The following SORCS3 variants were observed in gnomAD, a reference collection of about 807,000 sequenced individuals.
The protein encoded by SORCS3 is VPS10 domain-containing receptor SorCS3.
Under a neutral mutation model 146.3 loss-of-function variants are expected in SORCS3, and 57 were observed. The ratio of observed to expected loss-of-function variants is 0.39; its 90% CI spans 0.31 to 0.49. The LOEUF (loss-of-function observed/expected upper bound fraction) is 0.49, where lower values mean the gene tolerates loss of function less well. Among genes scored for constraint, SORCS3 ranks in the 20% least tolerant of loss-of-function variants. SORCS3 has a pLI of 0.92. For synonymous variants in SORCS3, 653 were observed against 618.5 expected (o/e 1.06, Z -0.83); for missense variants, 1,341 against 1,575.5 (o/e 0.85, Z 2.52).
chr10:104,816,490 C>T (rs2017799250), intron 1 of SORCS3, among the ~76,000 whole-genome samples: 1 of 152,142 alleles, frequency 6.6e-6, no homozygotes, highest in South Asian at 2.1e-4. Context: ...TAGAATGTGC[C>T]TTATCACTTT....
At chr10:105,119,221 T>C (rs1020128015) in intron 7 of SORCS3, among the ~76,000 whole-genome samples, 18 of 152,186 alleles carry the variant, frequency 1.2e-4, no homozygotes, top group Non-Finnish European at 5.9e-5. Flanking sequence ...CAAGCCTTGG[T>C]GGCTAACGTG....
At chr10:104,817,201 C>G (rs1281104505) in intron 1 of SORCS3, among the ~76,000 whole-genome samples, 1 of 152,196 alleles carries the variant, frequency 6.6e-6, no homozygotes, top group Non-Finnish European at 1.5e-5. Context: ...GAAGATAGGG[C>G]CCATGGATTT....
chr10:105,263,439 T>A lies in SORCS3; in HGVS notation c.*65T>A. 6.8e-7 allele frequency: 1 copy of A among 1,466,150 alleles called. No homozygotes were observed. The allele number at this position is 1,466,150 out of a possible 1,614,324, so 90.8% of individuals were successfully genotyped here. ...TATTTTTGATGATTACTATTACTAT[T>A]ATTATGGAAAAATTAAAATGTCTTT... On this transcript the variant is annotated 3_prime_UTR_variant, in exon 27 of 27. Transcript: ENST00000369701.
intron 7 of SORCS3, among the ~76,000 whole-genome samples, chr10:105,111,297 C>T (rs570120296): frequency 3.3e-5 from 5 of 152,156 alleles, no homozygotes; most frequent in African/African-American, 4.8e-5. Context: ...AGCTCCAATG[C>T]AGTTCTTACC....
At chr10:104,985,763 G>C (rs527842995) in intron 4 of SORCS3, among the ~76,000 whole-genome samples, 1 of 152,332 alleles carries the variant, frequency 6.6e-6, no homozygotes, top group East Asian at 1.9e-4. Context: ...CAGAGCTCTT[G>C]AGTGACCAGG....
At chr10:104,846,586 G>A (rs1469216972) in intron 2 of SORCS3, among the ~76,000 whole-genome samples, 4 of 152,162 alleles carry the variant, frequency 2.6e-5, no homozygotes, top group Non-Finnish European at 4.4e-5. Flanking sequence ...TAATTCAGAG[G>A]CCATCTACTT....
At chr10:104,890,150 A>G (rs1199338903) in intron 2 of SORCS3, among the ~76,000 whole-genome samples, 1 of 151,848 alleles carries the variant, frequency 6.6e-6, no homozygotes, top group Non-Finnish European at 1.5e-5. Context: ...TGTTTTATTC[A>G]TGATTCTTGT....
chr10:104,762,211 A>G lies in SORCS3; in HGVS notation c.628-80581A>G, dbSNP rs1405395917. On this transcript the variant is annotated intron_variant, in intron 1 of 26. Transcript: ENST00000369701. The stretch of plus-strand genomic sequence containing the variant: ...GTTCACCCCAGTTTAGTGGGATTTC[A>G]TCTCCTCATCTTTTGTGGCACATGT... Among the ~76,000 whole-genome samples the G allele has an allele frequency of 5.3e-5, 8 of 151,958 alleles. No individual in the cohort carries two copies. The South Asian group carries it at 1.0e-3, about 20-fold the overall frequency.
chr10:104,925,300 G>A (rs1191850160), intron 3 of SORCS3, among the ~76,000 whole-genome samples: 1 of 152,158 alleles, frequency 6.6e-6, no homozygotes, highest in Non-Finnish European at 1.5e-5. Context: ...TCTTTTTTAA[G>A]AAAAGTAAAT....
intron 4 of SORCS3, among the ~76,000 whole-genome samples, chr10:104,992,657 A>C (rs1248197940): frequency 1.3e-5 from 2 of 152,182 alleles, no homozygotes; most frequent in Non-Finnish European, 2.9e-5. Context: ...CACTCATGCA[A>C]CAGGAAATGT....
chr10:105,008,333 G>T (rs1257120630), intron 4 of SORCS3, among the ~76,000 whole-genome samples: 2 of 152,152 alleles, frequency 1.3e-5, no homozygotes, highest in Non-Finnish European at 2.9e-5. Flanking sequence ...GCATTTCACT[G>T]ATGTCTCATG....
intron 20 of SORCS3, among the ~76,000 whole-genome samples, chr10:105,234,549 T>G (rs1028157564): frequency 8.3e-6 from 1 of 121,066 alleles, no homozygotes; most frequent in Admixed American, 8.5e-5. Context: ...ATTCTTTTCC[T>G]TTTTTTTTTT....
intron 2 of SORCS3, among the ~76,000 whole-genome samples, chr10:104,880,151 T>C (rs929544271): frequency 2.6e-5 from 4 of 152,242 alleles, no homozygotes; most frequent in African/African-American, 9.6e-5. Context: ...ATATTCCTTA[T>C]TATACTTCCT....
chr10:104,872,808 A>T (rs968898225), intron 2 of SORCS3, among the ~76,000 whole-genome samples: 9 of 152,120 alleles, frequency 5.9e-5, no homozygotes, highest in African/African-American at 2.2e-4. Flanking sequence ...GCACCATTAC[A>T]AACAATATGG....
At chr10:105,200,582 A>G (rs114111275) in intron 15 of SORCS3, among the ~76,000 whole-genome samples, 242 of 152,260 alleles carry the variant, frequency 1.6e-3, no homozygotes, top group African/African-American at 5.7e-3. Flanking sequence ...TACTGCTGTG[A>G]GAAATAGGCA....
intron 5 of SORCS3, among the ~76,000 whole-genome samples, chr10:105,080,768 A>C (rs1048823543): frequency 6.6e-6 from 1 of 152,146 alleles, no homozygotes; most frequent in Non-Finnish European, 1.5e-5. Context: ...TTGGCTAGCC[A>C]GTTATCCCAG....
At chr10:105,014,082 T>C (rs58731615) in intron 4 of SORCS3, among the ~76,000 whole-genome samples, 86 of 125,976 alleles carry the variant, frequency 6.8e-4, no homozygotes, top group Non-Finnish European at 1.2e-3. Flanking sequence ...TATATATATA[T>C]ACACACATAT....
At chr10:104,751,856 G>A (rs574347037) in intron 1 of SORCS3, among the ~76,000 whole-genome samples, 2 of 143,986 alleles carry the variant, frequency 1.4e-5, no homozygotes, top group South Asian at 4.6e-4. Context: ...CTGGGATTTT[G>A]TCACTGGGGT....
chr10:104,675,605 A>C (rs770581128), intron 1 of SORCS3, among the ~76,000 whole-genome samples: 6 of 152,070 alleles, frequency 3.9e-5, no homozygotes, highest in African/African-American at 7.2e-5. Flanking sequence ...TTCTTTTCTC[A>C]TATAGAACTC....
Sources: gnomAD v4.1 joint callset for allele counts (sites outside exome capture counted in the v4.1 genomes callset) on GRCh38, gnomAD v4.1.1 for gene constraint, MANE v1.5 for transcripts, NCBI Gene and HGNC (gene_info 2026-07-23, HGNC 2026-07-21) for gene names.